The following ZNF680 variants were observed in gnomAD, a reference collection of about 807,000 sequenced individuals.
ZNF680 encodes zinc finger protein 680.
In ZNF680, 6 loss-of-function variants were observed where a neutral mutation model predicts 12.1. That is an observed-to-expected ratio of 0.49 (90% CI 0.27 to 0.98). The LOEUF (loss-of-function observed/expected upper bound fraction) is 0.98, where lower values mean the gene tolerates loss of function less well. ZNF680 is among the 50% of genes least tolerant of loss of function. The pLI is 0.12. For synonymous variants in ZNF680, 170 were observed against 199.3 expected (o/e 0.85, Z 1.24); for missense variants, 561 against 616.3 (o/e 0.91, Z 0.95).
chr7:64,531,536 G>A (rs1785880852), intron 3 of ZNF680, among the ~76,000 whole-genome samples: 1 of 145,914 alleles, frequency 6.9e-6, no homozygotes, highest in African/African-American at 2.6e-5. Context: ...GGTGGAGCTT[G>A]CAGTGAGCCA....
intron 3 of ZNF680, among the ~76,000 whole-genome samples, chr7:64,538,873 G>A (rs1022523094): frequency 2.6e-5 from 4 of 152,128 alleles, no homozygotes; most frequent in Admixed American, 2.6e-4. Flanking sequence ...GCTCACACCT[G>A]TAATCCCAGC....
rs17852813 is a variant in ZNF680 at position 64,521,181 on chromosome 7, T to C, written c.1573A>G (p.Asn525Asp). ...AAGTTTTAGGTGTTATCAAAATTAT[T>C]GTCACATTTTTCAGGTTTGTAGAGT... ...EKLYKPEKCD[N>D]NFDNT is the part of the protein sequence containing the mutation. The change falls in exon 4 of 4, where the codon AAT becomes GAT. Residue 525 changes from asparagine to aspartate, a missense_variant. Physicochemically the swap from Asn to Asp is conservative, Grantham distance 23. Transcript: ENST00000309683. 0.058 allele frequency: 93,098 copies of C among 1,607,384 alleles called. 3,369 individuals are homozygous for C. The highest frequency in any genetic ancestry group is 0.18 in the East Asian group (7,851 of 44,792).
At chr7:64,524,942 ATAAT>A (rs1432650490) in intron 3 of ZNF680, 3 of 152,098 alleles carry the variant, frequency 2.0e-5, no homozygotes, top group Admixed American at 6.6e-5. Flanking sequence ...AAATGTTAAA[ATAAT>A]TAATCTTGTG....
At chr7:64,550,815 G>A (rs1458120991) in intron 1 of ZNF680, among the ~76,000 whole-genome samples, 1 of 151,980 alleles carries the variant, frequency 6.6e-6, no homozygotes, top group Non-Finnish European at 1.5e-5. Context: ...TGAGCTGACT[G>A]GAAGCCTAAG....
At position 64,526,743 on chromosome 7, in the gene ZNF680, AAAAT is replaced by A. The variant is rs1409326107; in HGVS notation, c.254-4247_254-4244del. Among the ~76,000 whole-genome samples, 3 of 152,204 alleles carry A rather than the reference AAAAT, an allele frequency of 2.0e-5. No individual in the cohort carries two copies. In the East Asian group the frequency reaches 5.8e-4, roughly 29 times the overall value. ...GCATAAATCTGTCGATACCCAATAA[AAAAT>A]AATAGTTTTTAACATCAACAAAAAA... On this transcript the variant is annotated intron_variant, in intron 3 of 3. Coordinates refer to ENST00000309683, the MANE Select transcript of ZNF680 (RefSeq NM_178558.5).
chr7:64,521,020 ATT>A lies in ZNF680; in HGVS notation c.*139_*140del. On this transcript the variant is annotated 3_prime_UTR_variant, in exon 4 of 4. Coordinates refer to ENST00000309683, the MANE Select transcript of ZNF680 (RefSeq NM_178558.5). ...GTGAGTATTGGTTAAGTTTTGTCAC[ATT>A]CTTTACACTTATAAAGTTTTCTCCA... The A allele has an allele frequency of 1.1e-6, 1 of 930,700 alleles. No homozygotes were observed. The highest frequency in any genetic ancestry group is 1.9e-5 in the South Asian group (1 of 53,914). The allele number at this position is 930,700 out of a possible 1,614,324, so 57.7% of individuals were successfully genotyped here.
At chr7:64,540,753 A>C (rs556409647) in intron 3 of ZNF680, among the ~76,000 whole-genome samples, 113 of 143,272 alleles carry the variant, frequency 7.9e-4, no homozygotes, top group African/African-American at 2.7e-3. Context: ...GCAAAACAAT[A>C]ACTAAAGAAG....
intron 1 of ZNF680, among the ~76,000 whole-genome samples, chr7:64,561,515 A>G (rs1359795773): frequency 6.6e-6 from 1 of 152,228 alleles, no homozygotes; most frequent in Non-Finnish European, 1.5e-5. Context: ...GATTTTTTAC[A>G]ATAGTGTCCA....
In ZNF680 at chr7:64,533,694, G is replaced by A. The variant is rs548019042; in HGVS notation, c.253+10013C>T. On this transcript the variant is annotated intron_variant, in intron 3 of 3. Coordinates refer to ENST00000309683, the MANE Select transcript of ZNF680 (RefSeq NM_178558.5). ...CTAAAATGTATACAGAACGAAAAAA[G>A]AGCCCACATAGCCAAAGCAAGACTA... is the stretch of plus-strand genomic sequence containing the variant. Among the ~76,000 whole-genome samples the A allele has an allele frequency of 2.7e-5, 4 of 150,024 alleles. 1 individual carries two copies. The South Asian group carries it at 6.4e-4, about 24-fold the overall frequency.
intron 3 of ZNF680, among the ~76,000 whole-genome samples, chr7:64,529,507 A>G (rs747223728): frequency 6.6e-6 from 1 of 152,200 alleles, no homozygotes; most frequent in Non-Finnish European, 1.5e-5. Flanking sequence ...CACTTACAGT[A>G]AAGTCTCAGC....
At chr7:64,558,457 G>A (rs1787541925) in intron 1 of ZNF680, among the ~76,000 whole-genome samples, 1 of 152,120 alleles carries the variant, frequency 6.6e-6, no homozygotes, top group African/African-American at 2.4e-5. Context: ...CACCCTGGGA[G>A]GAGATTATTA....
chr7:64,533,243 A>AT (rs1365437315), intron 3 of ZNF680, among the ~76,000 whole-genome samples: 4 of 152,188 alleles, frequency 2.6e-5, no homozygotes, highest in African/African-American at 9.7e-5. Flanking sequence ...TTTGCTGGTG[A>AT]TATGATCTTT....
the ZNF680 span, among the ~76,000 whole-genome samples, chr7:64,499,340 C>T: frequency 6.6e-6 from 1 of 151,298 alleles, no homozygotes; most frequent in Non-Finnish European, 1.5e-5. Flanking sequence ...AGAGCAGGAG[C>T]ACCATCAACT....
chr7:64,514,648 TAA>T, the ZNF680 span, among the ~76,000 whole-genome samples: 1 of 152,032 alleles, frequency 6.6e-6, no homozygotes, highest in South Asian at 2.1e-4. Flanking sequence ...AAACTCATAA[TAA>T]AAACTTATAA....
At chr7:64,528,766 A>C (rs1370670583) in intron 3 of ZNF680, among the ~76,000 whole-genome samples, 7 of 152,268 alleles carry the variant, frequency 4.6e-5, no homozygotes, top group East Asian at 1.9e-4. Flanking sequence ...CAAAGGGCAT[A>C]TACTCTAAGA....
chr7:64,562,000 C>T (rs1787769909), intron 1 of ZNF680, among the ~76,000 whole-genome samples: 1 of 149,350 alleles, frequency 6.7e-6, no homozygotes, highest in African/African-American at 2.5e-5. Context: ...TTTGAGAGGC[C>T]GAGGCGGGCA....
intron 3 of ZNF680, among the ~76,000 whole-genome samples, chr7:64,523,867 C>T (rs945228133): frequency 1.3e-5 from 2 of 151,226 alleles, no homozygotes; most frequent in South Asian, 2.1e-4. Context: ...GAGCTGAGAT[C>T]GCGCCACTGC....
downstream of ZNF680, among the ~76,000 whole-genome samples, chr7:64,516,640 A>AT (rs1184062009): frequency 1.3e-5 from 2 of 152,214 alleles, no homozygotes; most frequent in Non-Finnish European, 2.9e-5. Context: ...TTTACAGAAC[A>AT]TTCTAGCCAA....
At chr7:64,553,971 A>G (rs1038295093) in intron 1 of ZNF680, among the ~76,000 whole-genome samples, 1 of 152,042 alleles carries the variant, frequency 6.6e-6, no homozygotes, top group African/African-American at 2.4e-5. Flanking sequence ...TTGGCCTCCC[A>G]AAGTGCCGAG....
Sources: gnomAD v4.1 joint callset for allele counts (sites outside exome capture counted in the v4.1 genomes callset) on GRCh38, gnomAD v4.1.1 for gene constraint, MANE v1.5 for transcripts, NCBI Gene and HGNC (gene_info 2026-07-23, HGNC 2026-07-21) for gene names.